Variants in VSIR observed in about 807,000 individuals in gnomAD.
The protein encoded by VSIR is V-set immunoregulatory receptor.
VSIR carries 10 observed loss-of-function variants against 31.0 expected under a neutral mutation model. The ratio of observed to expected loss-of-function variants is 0.32; its 90% CI spans 0.20 to 0.55. The LOEUF (loss-of-function observed/expected upper bound fraction) is 0.55, where lower values mean the gene tolerates loss of function less well. Among genes scored for constraint, VSIR ranks in the 20% least tolerant of loss-of-function variants. The probability of loss-of-function intolerance (pLI) is 0.93; values close to 1 mark genes in which losing one functional copy is unlikely to be tolerated. For synonymous variants in VSIR, 179 were observed against 180.1 expected (o/e 0.99, Z 0.05); for missense variants, 356 against 416.2 (o/e 0.86, Z 1.26).
intron 1 of VSIR, among the ~76,000 whole-genome samples, chr10:71,772,131 AC>A (rs1239295741): frequency 1.3e-5 from 2 of 151,938 alleles, no homozygotes; most frequent in Non-Finnish European, 2.9e-5. Context: ...AGAAGCATCC[AC>A]CCTGGGGCTT....
intron 2 of VSIR, 129 bp downstream of exon 2, chr10:71,761,469 A>G (rs1840382434): frequency 8.8e-7 from 1 of 1,136,504 alleles, no homozygotes; most frequent in Non-Finnish European, 1.2e-6. Context: ...TCTCACCCAC[A>G]CACTCCCTGG....
chr10:71,756,670 G>C (rs1312751834), intron 3 of VSIR, among the ~76,000 whole-genome samples: 1 of 152,168 alleles, frequency 6.6e-6, no homozygotes, highest in Non-Finnish European at 1.5e-5. Flanking sequence ...GTTTAGCTGG[G>C]AACAGACGTG....
At chr10:71,759,884 C>T (rs774587806) in intron 3 of VSIR, among the ~76,000 whole-genome samples, 22,009 of 47,760 alleles carry the variant, frequency 0.46, 5,856 homozygotes, top group Non-Finnish European at 0.57. Context: ...CACACACACA[C>T]ATATACACAC....
chr10:71,765,041 T>C (rs1157995711), intron 1 of VSIR, among the ~76,000 whole-genome samples: 1 of 152,180 alleles, frequency 6.6e-6, no homozygotes, highest in Non-Finnish European at 1.5e-5. Context: ...TGCAAAACTA[T>C]GGCTCTGCCG....
At position 71,751,823 on chromosome 10, in the gene VSIR, G is replaced by A. The variant is rs750143709; in HGVS notation, c.743C>T (p.Ser248Leu). 5 of 1,572,860 alleles carry A rather than the reference G, an allele frequency of 3.2e-6. No homozygotes were observed. The highest frequency in any genetic ancestry group is 1.4e-5 in the African/African-American group (1 of 73,134). ...CTCGGGTATCCCCTGGGCAGGTGGT[G>A]AGGCTTCAAAGCCGGGGTTTTCAAT... ...QGIENPGFEA[S>L]PPAQGIPEAK... is the part of the protein sequence containing the mutation. Residue 248 changes from serine (S) to leucine (L), a missense_variant, in exon 6 of 7, where the codon TCA (serine) becomes TTA (leucine). Physicochemically the swap from Ser to Leu is moderately radical, Grantham distance 145 (BLOSUM62 -2). Transcript: ENST00000394957. This position sits in a 1 kb window ranked among gnomAD's most constrained non-coding sequence, Gnocchi z 4.9.
In VSIR at chr10:71,760,919, C is replaced by A; in HGVS notation, c.517G>T (p.Asp173Tyr). The change falls in exon 3 of 7, where the codon GAT (aspartate) becomes TAT (tyrosine). Residue 173 changes from aspartate to tyrosine, a missense_variant. Asp to Tyr is a radical substitution (Grantham distance 160). This residue lies in a region of VSIR where 190 missense variants were observed against 185.2 expected (regional missense o/e 1.03). Transcript: ENST00000394957. ...AMELQVQTGKDAPSNCVVYPS... is the reference protein window; with the variant it reads ...AMELQVQTGKYAPSNCVVYPS... ...TACACCACACAGTTGGATGGTGCAT[C>A]TTTGCCTGTGGGAACAAACAGAAGG... is the stretch of plus-strand genomic sequence containing the variant. The A allele has an allele frequency of 6.2e-7, 1 of 1,613,858 alleles. No individual in the cohort carries two copies. The highest frequency in any genetic ancestry group is 8.5e-7 in the Non-Finnish European group (1 of 1,179,782).
chr10:71,753,193 G>A lies in VSIR; in HGVS notation c.677-191C>T, dbSNP rs1840050534. 2.6e-5 allele frequency among the ~76,000 whole-genome samples: 4 copies of A among 152,210 alleles called. No individual in the cohort carries two copies. The South Asian group carries it at 8.3e-4, about 32-fold the overall frequency. On this transcript the variant is annotated intron_variant, in intron 4 of 6. Coordinates refer to ENST00000394957, the MANE Select transcript of VSIR (RefSeq NM_022153.2). ...ATCTGCGTGTCTGTCCAGCAGATGG[G>A]GCCTCCATGAGGGGCCCATTTTGAC...
chr10:71,770,290 G>A (rs1023671879), intron 1 of VSIR, among the ~76,000 whole-genome samples: 1 of 152,206 alleles, frequency 6.6e-6, no homozygotes, highest in Non-Finnish European at 1.5e-5. Context: ...CAAGGGAGGT[G>A]GTATCATCTT....
At chr10:71,765,611 T>A (rs774335591) in intron 1 of VSIR, among the ~76,000 whole-genome samples, 1 of 152,128 alleles carries the variant, frequency 6.6e-6, no homozygotes, top group African/African-American at 2.4e-5. Flanking sequence ...GGAAGGGATG[T>A]TCTCCCCTGG....
intron 3 of VSIR, among the ~76,000 whole-genome samples, chr10:71,759,071 C>G (rs1840223082): frequency 6.6e-6 from 1 of 150,976 alleles, no homozygotes; most frequent in Non-Finnish European, 1.5e-5. Flanking sequence ...TGGAGTCTTG[C>G]TCTATCAGCA....
At chr10:71,766,141 A>C (rs1840538711) in intron 1 of VSIR, among the ~76,000 whole-genome samples, 1 of 152,322 alleles carries the variant, frequency 6.6e-6, no homozygotes, top group South Asian at 2.1e-4. Flanking sequence ...TAAAATTACA[A>C]TTCTTTGGCG....
At chr10:71,771,673 T>C (rs1840688358) in intron 1 of VSIR, among the ~76,000 whole-genome samples, 1 of 152,214 alleles carries the variant, frequency 6.6e-6, no homozygotes, top group Non-Finnish European at 1.5e-5. Context: ...ATCATCTCCC[T>C]GTGCTGGGCC....
chr10:71,773,484 G>GCGGGACGCGGC lies in VSIR; in HGVS notation c.-56_-46dup. On this transcript the variant is annotated 5_prime_UTR_variant, in exon 1 of 7. Transcript: ENST00000394957. ...AGGAACTTCTGGTGCCGGGGAGCGGGCGGGACGCGGCCGGCGCGGGGAAGC... is the reference window on the plus strand; with the variant it reads ...AGGAACTTCTGGTGCCGGGGAGCGGGCGGGACGCGGCCGGGACGCGGCCGGCGCGGGGAAGC... 6.5e-7 allele frequency: 1 copy of GCGGGACGCGGC among 1,542,520 alleles called. No homozygotes were observed. The highest frequency in any genetic ancestry group is 8.8e-7 in the Non-Finnish European group (1 of 1,137,314).
At chr10:71,755,229 G>C (rs1840102002) in intron 4 of VSIR, 130 bp downstream of exon 4, 1 of 900,014 alleles carries the variant, frequency 1.1e-6, no homozygotes. Flanking sequence ...GGGAAGTGCA[G>C]CTGCTCCCAA....
intron 1 of VSIR, among the ~76,000 whole-genome samples, chr10:71,772,720 G>C (rs1349122342): frequency 6.6e-6 from 1 of 152,226 alleles, no homozygotes; most frequent in Non-Finnish European, 1.5e-5. Flanking sequence ...ACTCCACACT[G>C]GTCCCTGAGT....
chr10:71,756,494 GA>G (rs1207673116), intron 3 of VSIR, among the ~76,000 whole-genome samples: 1 of 152,192 alleles, frequency 6.6e-6, no homozygotes, highest in African/African-American at 2.4e-5. Context: ...ACTCAGCAAG[GA>G]AATCTGTAGT....
At chr10:71,765,715 C>T (rs777011838) in intron 1 of VSIR, among the ~76,000 whole-genome samples, 3 of 152,110 alleles carry the variant, frequency 2.0e-5, no homozygotes, top group African/African-American at 7.2e-5. Context: ...CAATCCCCCA[C>T]ACCTCCCCAC....
intron 3 of VSIR, among the ~76,000 whole-genome samples, chr10:71,760,211 G>A (rs1374971072): frequency 0.022 from 242 of 11,130 alleles, 76 homozygotes; most frequent in African/African-American, 0.049. Flanking sequence ...ATATATGTGT[G>A]TATATATGTG....
intron 1 of VSIR, among the ~76,000 whole-genome samples, chr10:71,765,437 G>A (rs1044808743): frequency 1.3e-5 from 2 of 152,208 alleles, no homozygotes; most frequent in African/African-American, 4.8e-5. Context: ...GTGGGGTTGG[G>A]GGCCCTCAAG....
Sources: gnomAD v4.1 joint callset for allele counts (sites outside exome capture counted in the v4.1 genomes callset) on GRCh38, gnomAD v4.1.1 for gene constraint, gnomAD v4.1.1 regional missense constraint, Gnocchi (gnomAD v3.1) non-coding constraint, MANE v1.5 for transcripts, NCBI Gene and HGNC (gene_info 2026-07-23, HGNC 2026-07-21) for gene names.